The following CFAP251 variants were observed in gnomAD, a reference collection of about 807,000 sequenced individuals.
CFAP251 encodes the protein cilia and flagella associated protein 251, also known as cilia- and flagella-associated protein 251.
A neutral mutation model predicts 126.7 loss-of-function variants in CFAP251; 93 were observed. The observed-to-expected ratio is 0.73, with a 90% CI of 0.62 to 0.87. The LOEUF is 0.87. Ranked by LOEUF, CFAP251 falls within the 40% of genes least tolerant of loss-of-function variation. The pLI is 0.00. For synonymous variants in CFAP251, 503 were observed against 506.9 expected, an observed-to-expected ratio of 0.99 and a Z score of 0.10; for missense variants, 1,287 against 1,389.2, an observed-to-expected ratio of 0.93 and a Z score of 1.17.
intron 1 of CFAP251, among the ~76,000 whole-genome samples, chr12:121,919,341 A>G (rs1198180779): frequency 6.6e-6 from 1 of 152,146 alleles, no homozygotes; most frequent in East Asian, 1.9e-4. Flanking sequence ...TAAAGTATCC[A>G]TCCTTATTGT....
intron 19 of CFAP251, among the ~76,000 whole-genome samples, chr12:121,982,878 G>A (rs1415433929): frequency 6.6e-6 from 1 of 152,124 alleles, no homozygotes; most frequent in Non-Finnish European, 1.5e-5. Flanking sequence ...GAGGCAGGAG[G>A]ATCACTTGAG....
chr12:121,996,346 T>A (rs1160371280), intron 19 of CFAP251, among the ~76,000 whole-genome samples: 1 of 152,210 alleles, frequency 6.6e-6, no homozygotes, highest in Non-Finnish European at 1.5e-5. Context: ...AAAATGTAAA[T>A]GCTAAAATAA....
At position 121,931,765 on chromosome 12, in the gene CFAP251, G is replaced by A. The variant is rs1880701131; in HGVS notation, c.767G>A (p.Gly256Glu). The change falls in exon 4 of 22, where the codon GGA becomes GAA. Residue 256 changes from glycine to glutamate, a missense_variant. Physicochemically the swap from Gly to Glu is moderately conservative, Grantham distance 98 (BLOSUM62 -2). Transcript: ENST00000288912. ...VYPLTMTWSFGWNSSLPVYYI... is the reference protein window; with the variant it reads ...VYPLTMTWSFEWNSSLPVYYI... ...TTCCAGACCATGACCTGGTCGTTTG[G>A]ATGGAACAGTTCTCTTCCTGTTTAC... 6.3e-7 allele frequency: 1 copy of A among 1,586,798 alleles called. No individual in the cohort carries two copies. The highest frequency in any genetic ancestry group is 8.6e-7 in the Non-Finnish European group (1 of 1,168,298).
chr12:121,982,059 A>G (rs891929695), intron 19 of CFAP251, among the ~76,000 whole-genome samples: 2 of 152,164 alleles, frequency 1.3e-5, no homozygotes, highest in Non-Finnish European at 2.9e-5. Flanking sequence ...GAAGCCCTTT[A>G]TGAGAATGTT....
rs548874161 is a variant in CFAP251 at position 121,958,542 on chromosome 12, C to T, written c.1981+20C>T. On this transcript the variant is annotated intron_variant, in intron 12 of 21. Transcript: ENST00000288912. ...CCGAAGGTATTTTCATCTTATCAGCCTACCATCGGTTCCACATGGACAGCC... is the reference window on the plus strand; with the variant it reads ...CCGAAGGTATTTTCATCTTATCAGCTTACCATCGGTTCCACATGGACAGCC... The T allele has an allele frequency of 6.2e-7, 1 of 1,613,668 alleles. No homozygotes were observed. The highest frequency in any genetic ancestry group is 2.2e-5 in the East Asian group (1 of 44,876).
At chr12:121,922,932 G>A (rs1880247246) in intron 2 of CFAP251, among the ~76,000 whole-genome samples, 1 of 152,102 alleles carries the variant, frequency 6.6e-6, no homozygotes, top group African/African-American at 2.4e-5. Context: ...TGGGACTACA[G>A]GCGCCCGCCA....
Position 121,957,064 on chromosome 12 carries a change from T to A in CFAP251, c.1536-10T>A, listed in dbSNP as rs1881751186. 1 of 1,570,320 alleles carries A rather than the reference T, an allele frequency of 6.4e-7. No homozygotes were observed. Among genetic ancestry groups the A allele is most frequent in the African/African-American group, 1.4e-5 (1 of 73,106 alleles). On this transcript the variant is annotated splice_polypyrimidine_tract_variant and intron_variant, in intron 10 of 21. Transcript: ENST00000288912. Reference sequence around the variant, plus strand: ...GCTATTTGCAAAACTGATGTTATTCTCCATTTCAGCTACATTGTCACAGGT... The same window carrying A: ...GCTATTTGCAAAACTGATGTTATTCACCATTTCAGCTACATTGTCACAGGT...
intron 4 of CFAP251, 103 bp downstream of exon 4, chr12:121,931,989 A>G (rs1212511050): frequency 8.5e-7 from 1 of 1,173,512 alleles, no homozygotes; most frequent in African/African-American, 1.6e-5. Context: ...TCACTGTCGT[A>G]TTTTCCCACT....
chr12:121,969,451 G>A, intron 17 of CFAP251: 1 of 985,380 alleles, frequency 1.0e-6, no homozygotes, highest in South Asian at 4.7e-5. Context: ...ATGGGGGCAA[G>A]CCACACCCTG....
chr12:121,955,146 T>G (rs1881683672), intron 10 of CFAP251, among the ~76,000 whole-genome samples: 1 of 151,966 alleles, frequency 6.6e-6, no homozygotes, highest in African/African-American at 2.4e-5. Context: ...ATACAAAAAT[T>G]AGGCAGGTGT....
intron 17 of CFAP251, among the ~76,000 whole-genome samples, chr12:121,973,443 G>A (rs1238239105): frequency 2.0e-5 from 3 of 152,340 alleles, no homozygotes; most frequent in Non-Finnish European, 2.9e-5. Context: ...CTCTACTGGG[G>A]CACTGCCTAG....
intron 15 of CFAP251, among the ~76,000 whole-genome samples, chr12:121,963,527 C>T (rs541050195): frequency 1.3e-5 from 2 of 150,944 alleles, no homozygotes; most frequent in African/African-American, 4.9e-5. Context: ...GCAGGGCGTC[C>T]GCTGCTGGGG....
chr12:121,969,916 A>G (rs180984516), intron 17 of CFAP251: 162 of 985,458 alleles, frequency 1.6e-4, no homozygotes, highest in Middle Eastern at 5.2e-4. Context: ...GAGAATTTCA[A>G]TTTAATCTGT....
chr12:121,931,870 A>G lies in CFAP251; in HGVS notation c.872A>G (p.Asn291Ser), dbSNP rs1238728419. 3 of 1,574,666 alleles carry G rather than the reference A, an allele frequency of 1.9e-6. No homozygotes were observed. The highest frequency in any genetic ancestry group is 8.6e-7 in the Non-Finnish European group (1 of 1,162,602). The change falls in exon 4 of 22, where the codon AAT (asparagine) becomes AGT (serine). Residue 291 changes from asparagine to serine, a missense_variant. Physicochemically the swap from Asn to Ser is conservative, Grantham distance 46. Coordinates refer to ENST00000288912, the MANE Select transcript of CFAP251 (RefSeq NM_144668.6). Reference sequence around the variant, plus strand: ...ATCATCTACAACGTGTTCAGGAACAATCAATACCACCTTCAGGTATGCAGG... The same window carrying G: ...ATCATCTACAACGTGTTCAGGAACAGTCAATACCACCTTCAGGTATGCAGG... The part of the protein sequence containing the change: ...TAIIYNVFRN[N>S]QYHLQGHANI...
At chr12:121,932,008 A>G in intron 4 of CFAP251, 122 bp downstream of exon 4, 1 of 970,334 alleles carries the variant, frequency 1.0e-6, no homozygotes, top group Non-Finnish European at 1.4e-6. Flanking sequence ...CTCTCCTTGG[A>G]ACTAAAAGCA....
intron 21 of CFAP251, among the ~76,000 whole-genome samples, chr12:122,002,645 A>G (rs573770723): frequency 3.3e-5 from 5 of 152,306 alleles, no homozygotes; most frequent in African/African-American, 1.2e-4. Context: ...TCAGGTTTTT[A>G]AAGATCATCC....
At chr12:121,921,787 C>G in intron 2 of CFAP251, 104 bp downstream of exon 2, 1 of 1,037,836 alleles carries the variant, frequency 9.6e-7, no homozygotes, top group Admixed American at 3.2e-5. Flanking sequence ...AGGTACAATC[C>G]ATTCCTTTTT....
intron 19 of CFAP251, among the ~76,000 whole-genome samples, chr12:121,984,278 T>G (rs1882694917): frequency 6.6e-6 from 1 of 152,206 alleles, no homozygotes. Flanking sequence ...CATGGTGGGC[T>G]GCTCCTAGAA....
chr12:121,969,027 T>C (rs1337096425), intron 17 of CFAP251: 6 of 984,818 alleles, frequency 6.1e-6, no homozygotes, highest in African/African-American at 1.8e-5. Context: ...TGACCACTTC[T>C]CCAAGCCCCT....
Sources: allele counts gnomAD v4.1 joint callset (sites outside exome capture counted in the v4.1 genomes callset), GRCh38; gene constraint gnomAD v4.1.1; transcripts MANE v1.5; gene names NCBI Gene and HGNC (gene_info 2026-07-23, HGNC 2026-07-21).